Variants in NLRP2 observed in about 807,000 individuals in gnomAD.
NLRP2 encodes NACHT, LRR and PYD domains-containing protein 2.
In NLRP2, 107 loss-of-function variants were observed where a neutral mutation model predicts 97.2. The observed-to-expected ratio is 1.10, with a 90% CI of 0.94 to 1.29. NLRP2 has a LOEUF of 1.29. Among genes scored for constraint, NLRP2 ranks in the 50% most tolerant of loss-of-function variants. The pLI is 0.00. For synonymous variants in NLRP2, 663 were observed against 551.5 expected (o/e 1.20, Z -2.83); for missense variants, 1,495 against 1,330.3 (o/e 1.12, Z -1.93).
chr19:54,974,365 A>C, intron 2 of NLRP2, 135 bp from the exon 3 acceptor site: 1 of 768,088 alleles, frequency 1.3e-6, no homozygotes, highest in Non-Finnish European at 2.3e-6. Context: ...AAAAGATGCA[A>C]GCATTTTGAA....
At position 54,990,690 on chromosome 19, in the gene NLRP2, G is replaced by C. The variant is rs114698724; in HGVS notation, c.2708+18G>C. The C allele has an allele frequency of 4.1e-4, 665 of 1,614,080 alleles. 2 individuals carry two copies. In the African/African-American group the frequency reaches 8.1e-3, roughly 20 times the overall value. Reference sequence around the variant, plus strand: ...ACCTTGGTGTAAGTCCGTGCTGGCTGCCTGTGTGCGTGGGTGTATATGCAC... The same window carrying C: ...ACCTTGGTGTAAGTCCGTGCTGGCTCCCTGTGTGCGTGGGTGTATATGCAC... On this transcript the variant is annotated intron_variant, in intron 10 of 12. Coordinates refer to ENST00000448584, the MANE Select transcript of NLRP2 (RefSeq NM_017852.5).
In NLRP2 at chr19:54,985,701, AAAAG is replaced by A. The variant is rs1412469412; in HGVS notation, c.2202-446_2202-443del. On this transcript the variant is annotated intron_variant, in intron 7 of 12. Transcript: ENST00000448584. ...TCAAAAAAAAAAAAAAAAAAAAAGA[AAAAG>A]AAAAAAAGGGCCGGGCACAATGGCT... Among the ~76,000 whole-genome samples the A allele has an allele frequency of 7.5e-4, 104 of 139,218 alleles. 1 individual carries two copies. The highest frequency in any genetic ancestry group is 4.6e-3 in the Admixed American group (66 of 14,482). The allele number at this position is 139,218 out of a possible 152,430, so 91.3% of individuals were successfully genotyped here.
chr19:54,995,187 C>CTTTTT (rs34168825), intron 11 of NLRP2, among the ~76,000 whole-genome samples: 27 of 87,226 alleles, frequency 3.1e-4, no homozygotes, highest in African/African-American at 1.1e-3. Context: ...GTGGGTGCCT[C>CTTTTT]TTTTTTTTTT....
chr19:54,995,619 C>T (rs1051597435), intron 11 of NLRP2, among the ~76,000 whole-genome samples: 38 of 152,024 alleles, frequency 2.5e-4, no homozygotes, highest in African/African-American at 8.4e-4. Context: ...AATTAGATAT[C>T]GTGCCAGAAA....
Position 54,970,242 on chromosome 19 carries a change from TTGA to T in NLRP2, c.228_230del (p.Phe76_Glu77delinsLeu). 6.2e-7 allele frequency: 1 copy of T among 1,614,118 alleles called. No individual in the cohort carries two copies. The highest frequency in any genetic ancestry group is 8.5e-7 in the Non-Finnish European group (1 of 1,180,034). On this transcript the variant is annotated inframe_deletion, in exon 2 of 13. Transcript: ENST00000448584. ...GTGGAGATGGCGAGCCTCCAGGTCT[TTGA>T]AAAGATGCACCGAATGGATCTGTCT...
chr19:54,989,287 A>G (rs556258814), intron 8 of NLRP2, among the ~76,000 whole-genome samples: 228 of 152,100 alleles, frequency 1.5e-3, no homozygotes, highest in African/African-American at 5.2e-3. Context: ...CCTGGCCAAC[A>G]TGGTAAAACC....
rs1555782156 is a variant in NLRP2, at chr19:54,994,257, G to T, written c.2709-12G>T. On this transcript the variant is annotated splice_polypyrimidine_tract_variant and intron_variant, in intron 10 of 12. Coordinates refer to ENST00000448584, the MANE Select transcript of NLRP2 (RefSeq NM_017852.5). ...GGTTCGGGTTTGCTTTCTTCCTGTG[G>T]TTGATTTCTAGGCTTTGGAACTGCG... 6.2e-7 allele frequency: 1 copy of T among 1,614,048 alleles called. No homozygotes were observed.
In NLRP2 at chr19:54,989,636, TA is replaced by T. The variant is rs1223838404; in HGVS notation, c.2367-384del. On this transcript the variant is annotated intron_variant, in intron 8 of 12. Transcript: ENST00000448584. ...GCTCCAGATAATTCAAGTCGGGGTA[TA>T]ACACAACCAGTGAGATGTAAACCAA... 1.2e-5 allele frequency: 4 copies of T among 343,044 alleles called. No individual in the cohort carries two copies. In the East Asian group the frequency reaches 2.9e-4, roughly 25 times the overall value. The allele number at this position is 343,044 out of a possible 1,614,324, so 21.3% of individuals were successfully genotyped here.
At chr19:54,998,069 C>T (rs2072940475) in intron 12 of NLRP2, among the ~76,000 whole-genome samples, 1 of 143,064 alleles carries the variant, frequency 7.0e-6, no homozygotes, top group South Asian at 2.2e-4. Context: ...CTCTGTTGCC[C>T]AGGCTGGGGT....
At chr19:54,992,928 G>C (rs531401370) in intron 10 of NLRP2, among the ~76,000 whole-genome samples, 134 of 152,092 alleles carry the variant, frequency 8.8e-4, no homozygotes, top group Non-Finnish European at 1.6e-3. Flanking sequence ...TCTTATGTGG[G>C]TTTTCCTCCA....
At chr19:54,986,849 G>T (rs1011242411) in intron 8 of NLRP2, among the ~76,000 whole-genome samples, 1 of 150,556 alleles carries the variant, frequency 6.6e-6, no homozygotes, top group African/African-American at 2.4e-5. Flanking sequence ...TGCCCAGCCA[G>T]AGTCCTTATG....
At chr19:54,985,547 A>G (rs2072000584) in intron 7 of NLRP2, among the ~76,000 whole-genome samples, 1 of 151,590 alleles carries the variant, frequency 6.6e-6, no homozygotes, top group South Asian at 2.1e-4. Flanking sequence ...GCGTGGTGGC[A>G]GGCACCTGTA....
intron 1 of NLRP2, among the ~76,000 whole-genome samples, chr19:54,968,924 A>G (rs999939617): frequency 6.6e-6 from 1 of 150,814 alleles, no homozygotes; most frequent in African/African-American, 2.4e-5. Context: ...GATGGTCTCG[A>G]TCTCCTGACC....
At chr19:54,969,962 C>T in intron 1 of NLRP2, 37 bp from the exon 2 acceptor site, 1 of 1,598,028 alleles carries the variant, frequency 6.3e-7, no homozygotes, top group Non-Finnish European at 8.6e-7. Context: ...GTGCTAATCA[C>T]CATCCCTCTC....
chr19:54,998,204 A>G (rs1479761052), intron 12 of NLRP2, among the ~76,000 whole-genome samples: 1 of 151,222 alleles, frequency 6.6e-6, no homozygotes, highest in Non-Finnish European at 1.5e-5. Flanking sequence ...TTTTTAGTAG[A>G]GACAGGGTTT....
At chr19:54,974,401 A>G (rs1207000672) in intron 2 of NLRP2, 99 bp from the exon 3 acceptor site, 7 of 877,650 alleles carry the variant, frequency 8.0e-6, no homozygotes, top group Non-Finnish European at 1.4e-5. Flanking sequence ...AGAAAGGAAC[A>G]AGTGATCCAG....
At chr19:54,990,923 T>C (rs573907748) in intron 10 of NLRP2, 509 of 552,732 alleles carry the variant, frequency 9.2e-4, no homozygotes, top group African/African-American at 9.1e-3. Flanking sequence ...TCTTTATGTA[T>C]GTATGTATTT....
intron 8 of NLRP2, 123 bp downstream of exon 8, chr19:54,986,438 A>G: frequency 1.2e-6 from 1 of 827,602 alleles, no homozygotes; most frequent in Admixed American, 1.9e-5. Flanking sequence ...CTAAGGGCAG[A>G]TGACCCAGGA....
chr19:54,994,454 A>T lies in NLRP2; in HGVS notation c.2879+15A>T. The stretch of plus-strand genomic sequence containing the variant: ...AGATGTCTGTGGTGAGTTAACTTAT[A>T]AGTTCAACTTCCTATACTTACACCT... On this transcript the variant is annotated intron_variant, in intron 11 of 12. Coordinates refer to ENST00000448584, the MANE Select transcript of NLRP2 (RefSeq NM_017852.5). 3 of 1,611,888 alleles carry T rather than the reference A, an allele frequency of 1.9e-6. No individual in the cohort carries two copies. The highest frequency in any genetic ancestry group is 2.5e-6 in the Non-Finnish European group (3 of 1,179,610).
Sources: gnomAD v4.1 joint callset for allele counts (sites outside exome capture counted in the v4.1 genomes callset) on GRCh38, gnomAD v4.1.1 for gene constraint, MANE v1.5 for transcripts, NCBI Gene and HGNC (gene_info 2026-07-23, HGNC 2026-07-21) for gene names.